SPTLC3: variants seen among roughly 807,000 people sequenced by gnomAD.
SPTLC3 encodes serine palmitoyltransferase 3.
SPTLC3 carries 36 observed loss-of-function variants against 59.3 expected under a neutral mutation model. The observed-to-expected ratio is 0.61, with a 90% CI of 0.47 to 0.80. SPTLC3 has a LOEUF of 0.80. Ranked by LOEUF, SPTLC3 falls within the 30% of genes least tolerant of loss-of-function variation. The pLI, the probability that SPTLC3 is intolerant of heterozygous loss-of-function variation, is 0.00. For synonymous variants in SPTLC3, 257 were observed against 240.8 expected, an observed-to-expected ratio of 1.07 and a Z score of -0.62; for missense variants, 625 against 685.1, an observed-to-expected ratio of 0.91 and a Z score of 0.98.
chr20:13,104,405 C>T (rs2122666377), intron 6 of SPTLC3, among the ~76,000 whole-genome samples: 1 of 152,252 alleles, frequency 6.6e-6, no homozygotes, highest in Admixed American at 6.5e-5. Flanking sequence ...AAAGGTTTTC[C>T]CCTTTCACTT....
chr20:13,147,673 G>T (rs931718150), intron 9 of SPTLC3, among the ~76,000 whole-genome samples: 1 of 152,136 alleles, frequency 6.6e-6, no homozygotes, highest in Admixed American at 6.5e-5. Context: ...TCAACTTCTT[G>T]AGATGTGAGA....
At chr20:13,015,372 A>G (rs1416529165) in intron 1 of SPTLC3, among the ~76,000 whole-genome samples, 1 of 152,232 alleles carries the variant, frequency 6.6e-6, no homozygotes, top group African/African-American at 2.4e-5. Context: ...GCAATTGGAA[A>G]GCATGACTGA....
chr20:13,013,899 C>A (rs1985386275), intron 1 of SPTLC3, among the ~76,000 whole-genome samples: 1 of 152,158 alleles, frequency 6.6e-6, no homozygotes, highest in African/African-American at 2.4e-5. Context: ...GTGTTTGCTG[C>A]AGATCAACTT....
At chr20:13,055,021 G>A (rs1236990937) in intron 2 of SPTLC3, among the ~76,000 whole-genome samples, 1 of 151,988 alleles carries the variant, frequency 6.6e-6, no homozygotes, top group East Asian at 1.9e-4. Flanking sequence ...TAGGAAAGAG[G>A]CAGGTGGAAG....
intron 6 of SPTLC3, among the ~76,000 whole-genome samples, chr20:13,102,408 A>G (rs1475877567): frequency 6.6e-6 from 1 of 152,208 alleles, no homozygotes; most frequent in African/African-American, 2.4e-5. Context: ...TGAAGAAGAA[A>G]CATCTATAAA....
intron 2 of SPTLC3, among the ~76,000 whole-genome samples, chr20:13,064,808 C>T (rs1036895058): frequency 1.3e-5 from 2 of 152,144 alleles, no homozygotes; most frequent in African/African-American, 4.8e-5. Context: ...TCATAGCAGT[C>T]TTCCTGTTCA....
At chr20:13,118,664 C>A (rs566192510) in intron 8 of SPTLC3, among the ~76,000 whole-genome samples, 17 of 152,280 alleles carry the variant, frequency 1.1e-4, no homozygotes, top group Admixed American at 9.8e-4. Flanking sequence ...GATGTTGGCT[C>A]AGCCTAGGAT....
At chr20:13,039,727 T>C (rs1276224170) in intron 1 of SPTLC3, among the ~76,000 whole-genome samples, 1 of 152,142 alleles carries the variant, frequency 6.6e-6, no homozygotes, top group Non-Finnish European at 1.5e-5. Flanking sequence ...TTTAAGTGAA[T>C]ATTTTCTAGT....
chr20:13,052,757 G>C (rs1309091665), intron 2 of SPTLC3, among the ~76,000 whole-genome samples: 1 of 152,178 alleles, frequency 6.6e-6, no homozygotes, highest in African/African-American at 2.4e-5. Flanking sequence ...TCCCCTCACA[G>C]TGTAAACAAA....
At chr20:13,018,871 T>C (rs1985705818) in intron 1 of SPTLC3, among the ~76,000 whole-genome samples, 2 of 152,204 alleles carry the variant, frequency 1.3e-5, no homozygotes, top group Admixed American at 6.5e-5. Flanking sequence ...AATCTATAAA[T>C]TTACGACAGA....
intron 9 of SPTLC3, among the ~76,000 whole-genome samples, chr20:13,134,222 C>A (rs760188605): frequency 6.6e-6 from 1 of 152,146 alleles, no homozygotes. Flanking sequence ...TCAGTTATGT[C>A]GTGATGCAGA....
At chr20:13,020,701 G>A (rs1307907874) in intron 1 of SPTLC3, among the ~76,000 whole-genome samples, 2 of 152,066 alleles carry the variant, frequency 1.3e-5, no homozygotes, top group African/African-American at 4.8e-5. Context: ...GGATGTCCCA[G>A]GAAAATGTGA....
intron 8 of SPTLC3, among the ~76,000 whole-genome samples, chr20:13,119,838 G>C (rs1990803008): frequency 6.6e-6 from 1 of 152,178 alleles, no homozygotes; most frequent in African/African-American, 2.4e-5. Flanking sequence ...GAGGGCATTT[G>C]AGAAAATGCC....
At position 13,167,435 on chromosome 20, in the gene SPTLC3, C is replaced by G. The variant is rs938925867; in HGVS notation, c.*2568C>G. 5.3e-5 allele frequency: 8 copies of G among 152,116 alleles called. No homozygotes were observed. The highest frequency in any genetic ancestry group is 5.2e-4 in the Admixed American group (8 of 15,276). The allele number at this position is 152,116 out of a possible 1,614,324, so 9.4% of individuals were successfully genotyped here. On this transcript the variant is annotated 3_prime_UTR_variant, in exon 12 of 12. Transcript: ENST00000399002. ...TTCTATAATGTTATGCGCACTCAGC[C>G]CTTCTGTTCACATTTACACACATGC...
At chr20:13,088,784 A>ATTTTTTTTTTTTTTTTTT (rs375680092) in intron 4 of SPTLC3, among the ~76,000 whole-genome samples, 2 of 111,888 alleles carry the variant, frequency 1.8e-5, no homozygotes, top group African/African-American at 7.3e-5. Flanking sequence ...GCACCCGGCT[A>ATTTTTTTTTTTTTTTTTT]TTTTTTTTTT....
At chr20:13,153,395 CT>C (rs1172509424) in intron 9 of SPTLC3, among the ~76,000 whole-genome samples, 3 of 152,146 alleles carry the variant, frequency 2.0e-5, no homozygotes, top group African/African-American at 7.2e-5. Flanking sequence ...TTTTTTCTGG[CT>C]TGGGAAAGCA....
At chr20:13,154,246 A>G in intron 10 of SPTLC3, 108 bp downstream of exon 10, 1 of 1,397,016 alleles carries the variant, frequency 7.2e-7, no homozygotes, top group Non-Finnish European at 9.8e-7. Context: ...GAGTGAGTTC[A>G]GAATTCACTC....
chr20:13,136,958 A>G (rs2038261611), intron 9 of SPTLC3, among the ~76,000 whole-genome samples: 1 of 152,082 alleles, frequency 6.6e-6, no homozygotes, highest in African/African-American at 2.4e-5. Context: ...TACTTTCCAT[A>G]GGAAGAAAAA....
chr20:13,132,006 G>T (rs1394601502), intron 9 of SPTLC3, among the ~76,000 whole-genome samples: 1 of 151,864 alleles, frequency 6.6e-6, no homozygotes, highest in Non-Finnish European at 1.5e-5. Context: ...CCACAGAAGG[G>T]TCTTTGCACT....
Sources: allele counts gnomAD v4.1 joint callset (sites outside exome capture counted in the v4.1 genomes callset), GRCh38; gene constraint gnomAD v4.1.1; transcripts MANE v1.5; gene names NCBI Gene and HGNC (gene_info 2026-07-23, HGNC 2026-07-21).